The following HDAC9 variants were observed in gnomAD, a reference collection of about 807,000 sequenced individuals.
The protein encoded by HDAC9 is MEF-2 interacting transcription repressor (MITR) protein.
HDAC9 carries 41 observed loss-of-function variants against 139.4 expected under a neutral mutation model. That is an observed-to-expected ratio of 0.29 (90% CI 0.23 to 0.38). The LOEUF (loss-of-function observed/expected upper bound fraction) is 0.38, where lower values mean the gene tolerates loss of function less well. Ranked by LOEUF, HDAC9 falls within the 10% of genes least tolerant of loss-of-function variation. HDAC9 has a pLI of 1.00. For missense variants in HDAC9, 1,147 were observed against 1,297.0 expected (o/e 0.88, Z 1.78); for synonymous variants, 517 against 476.2 (o/e 1.09, Z -1.12).
chr7:18,675,435 T>G (rs959214072), intron 12 of HDAC9, among the ~76,000 whole-genome samples: 3 of 152,106 alleles, frequency 2.0e-5, no homozygotes, highest in African/African-American at 7.2e-5. Flanking sequence ...TAAGGAATTG[T>G]CAGCTTTAAA....
At chr7:18,096,724 G>A (rs1300697619) in intron 1 of HDAC9, among the ~76,000 whole-genome samples, 1 of 152,164 alleles carries the variant, frequency 6.6e-6, no homozygotes, top group Non-Finnish European at 1.5e-5. Context: ...TTTGCTGATT[G>A]ACCGATTATT....
intron 2 of HDAC9, among the ~76,000 whole-genome samples, chr7:18,208,318 A>G (rs774046489): frequency 2.6e-5 from 4 of 151,088 alleles, no homozygotes; most frequent in Non-Finnish European, 5.9e-5. Context: ...TCTGAAGCCA[A>G]TTTTAATTTA....
chr7:18,506,265 A>G (rs946201430), intron 2 of HDAC9, among the ~76,000 whole-genome samples: 3 of 152,198 alleles, frequency 2.0e-5, no homozygotes, highest in Non-Finnish European at 4.4e-5. Flanking sequence ...ATGATGTATC[A>G]TGCTTATGGA....
At chr7:18,767,269 T>C in intron 16 of HDAC9, 114 bp downstream of exon 16, 2 of 515,270 alleles carry the variant, frequency 3.9e-6, no homozygotes, top group Non-Finnish European at 6.7e-6. Flanking sequence ...ATGCTAGACT[T>C]CAGGACTGCC....
At chr7:18,584,265 A>T (rs567792737) in intron 2 of HDAC9, among the ~76,000 whole-genome samples, 6 of 148,096 alleles carry the variant, frequency 4.1e-5, no homozygotes, top group African/African-American at 1.5e-4. Flanking sequence ...CTCAGCTGGG[A>T]CTACAGGCAC....
chr7:18,377,523 A>T (rs1427474794), intron 1 of HDAC9, among the ~76,000 whole-genome samples: 1 of 152,196 alleles, frequency 6.6e-6, no homozygotes, highest in Non-Finnish European at 1.5e-5. Flanking sequence ...CTCGTTATCC[A>T]TATATGCGCA....
At chr7:18,168,279 G>A (rs1454112097) in intron 2 of HDAC9, among the ~76,000 whole-genome samples, 1 of 152,054 alleles carries the variant, frequency 6.6e-6, no homozygotes, top group Non-Finnish European at 1.5e-5. Flanking sequence ...ATTGCATTTT[G>A]GGGTCACGTT....
chr7:18,135,193 T>C (rs564270004), intron 1 of HDAC9, among the ~76,000 whole-genome samples: 5 of 152,042 alleles, frequency 3.3e-5, no homozygotes, highest in African/African-American at 1.2e-4. Flanking sequence ...TGTCTTACTA[T>C]TTTGACAAAA....
chr7:18,516,626 G>A (rs1001608758), intron 2 of HDAC9, among the ~76,000 whole-genome samples: 2 of 152,068 alleles, frequency 1.3e-5, no homozygotes, highest in African/African-American at 4.8e-5. Context: ...TTGGGAGGCC[G>A]AGGTGGGTGG....
chr7:18,097,345 C>T (rs1424394125), intron 1 of HDAC9, among the ~76,000 whole-genome samples: 1 of 152,096 alleles, frequency 6.6e-6, no homozygotes, highest in South Asian at 2.1e-4. Context: ...CCTAAATGAC[C>T]AGCAACATTG....
At chr7:18,677,715 T>C (rs994091609) in intron 12 of HDAC9, among the ~76,000 whole-genome samples, 3 of 151,982 alleles carry the variant, frequency 2.0e-5, no homozygotes, top group African/African-American at 7.2e-5. Context: ...GGCATGTCTT[T>C]TTATTGTTGG....
intron 17 of HDAC9, among the ~76,000 whole-genome samples, chr7:18,805,925 A>G (rs1348396290): frequency 1.3e-5 from 2 of 152,180 alleles, no homozygotes; most frequent in African/African-American, 2.4e-5. Context: ...TAAATTATAT[A>G]GCCTCCTCTC....
chr7:18,219,488 A>G (rs1309537409), intron 2 of HDAC9, among the ~76,000 whole-genome samples: 1 of 151,888 alleles, frequency 6.6e-6, no homozygotes, highest in African/African-American at 2.4e-5. Flanking sequence ...AAGTGAGAAG[A>G]TGCTTTTTTT....
At chr7:18,731,107 A>C (rs925380328) in intron 13 of HDAC9, among the ~76,000 whole-genome samples, 1 of 152,174 alleles carries the variant, frequency 6.6e-6, no homozygotes, top group Admixed American at 6.5e-5. Context: ...GCTCAGAATG[A>C]TGCGCAATTT....
chr7:18,961,150 G>A (rs1014770095), intron 24 of HDAC9, among the ~76,000 whole-genome samples: 17 of 152,052 alleles, frequency 1.1e-4, no homozygotes, highest in African/African-American at 3.9e-4. Context: ...GAGATCCAGG[G>A]GAGAAGGACA....
chr7:18,428,867 C>T (rs1310121151), intron 1 of HDAC9, among the ~76,000 whole-genome samples: 1 of 152,218 alleles, frequency 6.6e-6, no homozygotes, highest in African/African-American at 2.4e-5. Flanking sequence ...GCACCATCCA[C>T]ATGCTGAGCA....
At chr7:18,683,459 A>C (rs1227911762) in intron 12 of HDAC9, among the ~76,000 whole-genome samples, 1 of 152,004 alleles carries the variant, frequency 6.6e-6, no homozygotes, top group Non-Finnish European at 1.5e-5. Context: ...TCTGAGCAGA[A>C]CCCACAGTTC....
intron 22 of HDAC9, among the ~76,000 whole-genome samples, chr7:18,880,798 TAAAA>T (rs930966973): frequency 8.7e-6 from 1 of 115,536 alleles, no homozygotes; most frequent in African/African-American, 3.1e-5. Context: ...ATGTAAAAGT[TAAAA>T]AAAAAATTAA....
chr7:18,114,103 T>C lies in HDAC9; in HGVS notation c.-97+26890T>C, dbSNP rs567729508. ...TGTTTTCAGAGTTATAACACTGTTG[T>C]AGCCCACTCAGACAGCTGGTCCTTG... On this transcript the variant is annotated intron_variant, in intron 1 of 12. Coordinates refer to the HDAC9 transcript ENST00000417496. 2.6e-5 allele frequency among the ~76,000 whole-genome samples: 4 copies of C among 152,342 alleles called. No individual in the cohort carries two copies. The East Asian group carries it at 7.7e-4, about 29-fold the overall frequency.
Sources: allele counts gnomAD v4.1 joint callset (sites outside exome capture counted in the v4.1 genomes callset), GRCh38; gene constraint gnomAD v4.1.1; transcripts MANE v1.5; gene names NCBI Gene and HGNC (gene_info 2026-07-23, HGNC 2026-07-21).